SYNE1: variants seen among roughly 807,000 people sequenced by gnomAD.
SYNE1 encodes spectrin repeat containing nuclear envelope protein 1, also known as nesprin-1.
A neutral mutation model predicts 1,111.0 loss-of-function variants in SYNE1; 616 were observed. The ratio of observed to expected loss-of-function variants is 0.55; its 90% CI spans 0.52 to 0.59. The LOEUF (loss-of-function observed/expected upper bound fraction) is 0.59, where lower values mean the gene tolerates loss of function less well. Among genes scored for constraint, SYNE1 ranks in the 20% least tolerant of loss-of-function variants. SYNE1 has a pLI of 0.00. For synonymous variants in SYNE1, 3,855 were observed against 3,825.8 expected (o/e 1.01, Z -0.28); for missense variants, 10,006 against 10,417.0 (o/e 0.96, Z 1.72).
rs1345515743 is a variant in SYNE1, at chr6:152,276,500, G to A, written c.18573+1589C>T. Among the ~76,000 whole-genome samples, 3 of 150,940 alleles carry A rather than the reference G, an allele frequency of 2.0e-5. No individual in the cohort carries two copies. The East Asian group carries it at 5.8e-4, about 29-fold the overall frequency. ...TCCATATCATATAATCATATCATCAGCAAAAAGCCGAAAAAAAAAATACAT... is the reference window on the plus strand; with the variant it reads ...TCCATATCATATAATCATATCATCAACAAAAAGCCGAAAAAAAAAATACAT... On this transcript the variant is annotated intron_variant, in intron 98 of 145. Coordinates refer to ENST00000367255, the MANE Select transcript of SYNE1 (RefSeq NM_182961.4).
rs752460354 is a variant in SYNE1, at chr6:152,325,035, T to G, written c.15657+49A>C. 3.1e-6 allele frequency: 5 copies of G among 1,596,514 alleles called. No individual in the cohort carries two copies. The African/African-American group carries it at 5.4e-5, about 17-fold the overall frequency. On this transcript the variant is annotated intron_variant, in intron 81 of 145. Transcript: ENST00000367255. ...GCAAAATACTGTGTTTCAAAATACA[T>G]TATAATTAGTGAGGAAAGAAAGGTG...
At position 152,331,315 on chromosome 6, in the gene SYNE1, T is replaced by G. The variant is rs751989653; in HGVS notation, c.13370A>C (p.Gln4457Pro). 6.2e-7 allele frequency: 1 copy of G among 1,614,190 alleles called. No homozygotes were observed. Among genetic ancestry groups the G allele is most frequent in the Non-Finnish European group, 8.5e-7 (1 of 1,180,028 alleles). ...YLNKALSEKT[Q>P]FLMAVFQATS... is the part of the protein sequence containing the mutation. ...GGCCTGGAACACTGCCATGAGAAAC[T>G]GGGTTTTCTCGGACAAGGCTTTGTT... is the stretch of plus-strand genomic sequence containing the variant. Residue 4457 changes from glutamine (Q) to proline (P), a missense_variant, in exon 78 of 146, where the codon CAG (glutamine) becomes CCG (proline). By Grantham distance (76) the Gln-to-Pro change is moderately conservative. Transcript: ENST00000367255.
chr6:152,420,236 T>C lies in SYNE1; in HGVS notation c.5268-514A>G, dbSNP rs574580106. ...TCAGCTGCAATCCAAAATTTGCTTT[T>C]TCTTTAAGGAAATTCATGGAAAGGA... is the stretch of plus-strand genomic sequence containing the variant. On this transcript the variant is annotated intron_variant, in intron 39 of 145. Transcript: ENST00000367255. 3.9e-5 allele frequency among the ~76,000 whole-genome samples: 6 copies of C among 152,336 alleles called. No homozygotes were observed. The East Asian group carries it at 9.6e-4, about 24-fold the overall frequency.
chr6:152,210,816 G>A (rs58898378), intron 124 of SYNE1, among the ~76,000 whole-genome samples: 3,368 of 151,676 alleles, frequency 0.022, 120 homozygotes, highest in African/African-American at 0.078. Context: ...TAAATCTGGG[G>A]AGAAGCTAAA....
chr6:152,147,068 G>A (rs1035318684), intron 137 of SYNE1: 6 of 152,356 alleles, frequency 3.9e-5, no homozygotes, highest in African/African-American at 1.4e-4. Flanking sequence ...TGCACCCACA[G>A]TGCTCCTTCC....
Position 152,121,861 on chromosome 6 carries a change from A to AAAG in SYNE1, c.*572_*574dup, listed in dbSNP as rs1476515418. The stretch of plus-strand genomic sequence containing the variant: ...TAGTTTTTCTTTATACCTCTAAAAA[A>AAAG]AAGTGCCTTTTAGATTTACAGCTTG... On this transcript the variant is annotated 3_prime_UTR_variant, in exon 146 of 146. Transcript: ENST00000367255. 6.5e-6 allele frequency: 1 copy of AAAG among 154,370 alleles called. No individual in the cohort carries two copies. Among genetic ancestry groups the AAAG allele is most frequent in the African/African-American group, 2.4e-5 (1 of 41,472 alleles). 9.6% of individuals were successfully genotyped at this position (154,370 alleles called of 1,614,324 possible).
intron 3 of SYNE1, among the ~76,000 whole-genome samples, chr6:152,614,185 C>A (rs546543046): frequency 9.2e-5 from 14 of 152,162 alleles, no homozygotes; most frequent in Non-Finnish European, 1.8e-4. Context: ...AAACTACCAT[C>A]AGAGTGAACA....
chr6:152,425,819 A>G (rs538227743), intron 38 of SYNE1, among the ~76,000 whole-genome samples: 1 of 152,376 alleles, frequency 6.6e-6, no homozygotes, highest in Admixed American at 6.5e-5. Flanking sequence ...ATAAAATGCG[A>G]CTAAAACCTG....
intron 62 of SYNE1, 101 bp downstream of exon 62, chr6:152,367,117 T>A (rs771821910): frequency 7.0e-7 from 1 of 1,418,560 alleles, no homozygotes; most frequent in Non-Finnish European, 1.0e-6. Context: ...AGATTTATCA[T>A]GGAGAGAATG....
chr6:152,520,531 T>C lies in SYNE1; in HGVS notation c.237A>G (p.Gln79=), dbSNP rs1483747320. Residue 79 remains glutamine (Q), a synonymous_variant, in exon 6 of 146, where the codon CAA becomes CAG. Transcript: ENST00000367255. ...VLSGQKLPCE[Q]GRRMKRIHAV... is the part of the protein sequence containing the mutation. ...CATGGATTCGCTTCATCCGGCGTCC[T>C]TGTTCACAAGGCTGTAAAAAGTGGG... The C allele has an allele frequency of 2.5e-6, 4 of 1,613,682 alleles. No homozygotes were observed. The East Asian group carries it at 8.9e-5, about 36-fold the overall frequency.
At chr6:152,426,806 A>G (rs1309208102) in intron 38 of SYNE1, among the ~76,000 whole-genome samples, 2 of 152,362 alleles carry the variant, frequency 1.3e-5, no homozygotes, top group Admixed American at 1.3e-4. Flanking sequence ...CAGGAGAACC[A>G]GAAGAATGGA....
rs1003906508 is a variant in SYNE1 at position 152,196,880 on chromosome 6, C to G, written c.23145+4944G>C. The stretch of plus-strand genomic sequence containing the variant: ...AGTGTAGTACTTGTGGCCTAGACAG[C>G]CTTTCAAATTTATGTAGGACCCCAG... On this transcript the variant is annotated intron_variant, in intron 127 of 145. Coordinates refer to ENST00000367255, the MANE Select transcript of SYNE1 (RefSeq NM_182961.4). 7.9e-5 allele frequency among the ~76,000 whole-genome samples: 12 copies of G among 152,034 alleles called. No individual in the cohort carries two copies. In the South Asian group the frequency reaches 2.1e-3, roughly 26 times the overall value.
rs1472294918 is a variant in SYNE1 at position 152,425,565 on chromosome 6, T to A, written c.5101-18A>T. 6.2e-7 allele frequency: 1 copy of A among 1,614,024 alleles called. No individual in the cohort carries two copies. Among genetic ancestry groups the A allele is most frequent in the South Asian group, 1.1e-5 (1 of 91,084 alleles). On this transcript the variant is annotated intron_variant, in intron 38 of 145. Coordinates refer to ENST00000367255, the MANE Select transcript of SYNE1 (RefSeq NM_182961.4). ...TGCAGTGCCTGAAAAATACAAGACA[T>A]TACGGATCTCATCCTAACAGGACTG...
At chr6:152,157,982 C>T (rs1361315684) in intron 131 of SYNE1, among the ~76,000 whole-genome samples, 1 of 152,138 alleles carries the variant, frequency 6.6e-6, no homozygotes, top group Non-Finnish European at 1.5e-5. Context: ...TGGTCTGGAA[C>T]TCCTGACCAG....
At position 152,404,194 on chromosome 6, in the gene SYNE1, G is replaced by T; in HGVS notation, c.6825+19C>A. 1 of 1,578,408 alleles carries T rather than the reference G, an allele frequency of 6.3e-7. No homozygotes were observed. ...TTACAAAATGGATGGAAGTCTAGTA[G>T]TTATTACAAAATGCTTACCTGAAGG... On this transcript the variant is annotated intron_variant, in intron 46 of 145. Transcript: ENST00000367255.
intron 101 of SYNE1, among the ~76,000 whole-genome samples, chr6:152,259,812 C>T (rs988910478): frequency 6.6e-6 from 1 of 152,108 alleles, no homozygotes; most frequent in Admixed American, 6.6e-5. Context: ...ACCTATGAGG[C>T]ACTTTGTACA....
chr6:152,558,049 T>G (rs1451605050), intron 3 of SYNE1, among the ~76,000 whole-genome samples: 1 of 152,132 alleles, frequency 6.6e-6, no homozygotes, highest in East Asian at 1.9e-4. Flanking sequence ...ATTGTGACAT[T>G]AATAATATAA....
intron 3 of SYNE1, among the ~76,000 whole-genome samples, chr6:152,601,693 A>T (rs2099596549): frequency 6.6e-6 from 1 of 152,182 alleles, no homozygotes; most frequent in Non-Finnish European, 1.5e-5. Flanking sequence ...GAATCACTAG[A>T]CTTAGCAATA....
chr6:152,498,917 G>T, intron 10 of SYNE1, 125 bp from the exon 11 acceptor site: 1 of 473,866 alleles, frequency 2.1e-6, no homozygotes, highest in Admixed American at 4.1e-5. Flanking sequence ...TCATTTCAAG[G>T]GTATATTTAC....
Sources: allele counts gnomAD v4.1 joint callset (sites outside exome capture counted in the v4.1 genomes callset), GRCh38; gene constraint gnomAD v4.1.1; transcripts MANE v1.5; gene names NCBI Gene and HGNC (gene_info 2026-07-23, HGNC 2026-07-21).